Variants in NFAM1 observed in about 807,000 individuals in gnomAD.
NFAM1 encodes NFAT activating protein with ITAM motif 1.
A neutral mutation model predicts 29.0 loss-of-function variants in NFAM1; 17 were observed. The ratio of observed to expected loss-of-function variants is 0.59; its 90% CI spans 0.40 to 0.88. The LOEUF is 0.88. NFAM1 is among the 40% of genes least tolerant of loss of function. NFAM1 has a pLI of 0.00. For missense variants in NFAM1, 324 were observed against 344.6 expected, an observed-to-expected ratio of 0.94 and a Z score of 0.47; for synonymous variants, 175 against 147.2, an observed-to-expected ratio of 1.19 and a Z score of -1.36.
At position 42,385,518 on chromosome 22, in the gene NFAM1, G is replaced by A. The variant is rs546104114; in HGVS notation, c.754-298C>T. Among the ~76,000 whole-genome samples the A allele has an allele frequency of 1.3e-3, 193 of 152,076 alleles. 2 individuals are homozygous for A. Among genetic ancestry groups the A allele is most frequent in the African/African-American group, 4.4e-3 (184 of 41,466 alleles). On this transcript the variant is annotated intron_variant, in intron 5 of 5. Transcript: ENST00000329021. ...TGTGTGGGATGCGCCTCCTCCCACA[G>A]ACACACCTGTTCCATGACTGCCCCC... is the stretch of plus-strand genomic sequence containing the variant.
At chr22:42,436,864 C>T (rs1930952716), upstream of NFAM1, 3 of 346,124 alleles carry the variant, frequency 8.7e-6, no homozygotes, top group African/African-American at 2.2e-5. Context: ...TTAACCACTG[C>T]GCTCTCCTGC....
At chr22:42,411,862 C>G (rs1352601850) in intron 1 of NFAM1, 126 bp from the exon 2 acceptor site, 2 of 657,422 alleles carry the variant, frequency 3.0e-6, no homozygotes, top group Non-Finnish European at 5.4e-6. Context: ...CTTTGGGAGG[C>G]CGAGGCAGGC....
chr22:42,432,623 C>T (rs1027884161), upstream of NFAM1, among the ~76,000 whole-genome samples: 1 of 152,190 alleles, frequency 6.6e-6, no homozygotes, highest in Non-Finnish European at 1.5e-5. Flanking sequence ...CACCCTGTCT[C>T]GGCCCCTTTC....
At chr22:42,399,376 G>T (rs1379377768) in intron 3 of NFAM1, among the ~76,000 whole-genome samples, 1 of 151,288 alleles carries the variant, frequency 6.6e-6, no homozygotes, top group East Asian at 1.9e-4. Flanking sequence ...GAACCCAGGG[G>T]GCGGAGGTTG....
chr22:42,415,941 GAA>G (rs1032334083), intron 1 of NFAM1, among the ~76,000 whole-genome samples: 27 of 152,356 alleles, frequency 1.8e-4, no homozygotes, highest in Admixed American at 1.6e-3. Context: ...GGAAGGAGCA[GAA>G]AGAGCCTGAG....
upstream of NFAM1, among the ~76,000 whole-genome samples, chr22:42,435,759 A>G (rs1930923194): frequency 6.6e-6 from 1 of 151,424 alleles, no homozygotes; most frequent in South Asian, 2.1e-4. Flanking sequence ...CTCCCTGTCC[A>G]GGGAGAAAAA....
chr22:42,399,213 G>A (rs959887988), intron 3 of NFAM1, among the ~76,000 whole-genome samples: 1 of 151,950 alleles, frequency 6.6e-6, no homozygotes, highest in Admixed American at 6.6e-5. Flanking sequence ...CTCGGAGGCC[G>A]AGTCGGGTGG....
At position 42,411,538 on chromosome 22, in the gene NFAM1, TTC is replaced by T; in HGVS notation, c.318_319del (p.Asn107ProfsTer130). 1 of 1,614,214 alleles carries T rather than the reference TTC, an allele frequency of 6.2e-7. No individual in the cohort carries two copies. Among genetic ancestry groups the T allele is most frequent in the Non-Finnish European group, 8.5e-7 (1 of 1,180,016 alleles). ...CTGGCAGTCCAGGGTGTGGCTCTGG[TTC>T]TCTGTGCCCAGTCCAGGGTGGCAGT... On this transcript the variant is annotated frameshift_variant, in exon 2 of 6. Coordinates refer to ENST00000329021, the MANE Select transcript of NFAM1 (RefSeq NM_145912.8). LOFTEE classifies it high-confidence loss of function.
At chr22:42,402,191 G>C (rs1463462258) in intron 3 of NFAM1, among the ~76,000 whole-genome samples, 8 of 152,264 alleles carry the variant, frequency 5.3e-5, no homozygotes, top group African/African-American at 1.9e-4. Context: ...CAGACTGAGT[G>C]CAGGGCTTGC....
intron 1 of NFAM1, among the ~76,000 whole-genome samples, chr22:42,414,929 A>C (rs1601753615): frequency 1.3e-5 from 2 of 152,232 alleles, no homozygotes; most frequent in Admixed American, 1.3e-4. Context: ...GCCGATCTTT[A>C]CAATTCCAGG....
chr22:42,434,814 C>T (rs922289339), upstream of NFAM1, among the ~76,000 whole-genome samples: 3 of 152,216 alleles, frequency 2.0e-5, no homozygotes, highest in Non-Finnish European at 4.4e-5. Context: ...TAGGCCTTGG[C>T]AGCTGAATTT....
intron 4 of NFAM1, among the ~76,000 whole-genome samples, chr22:42,393,105 CT>C (rs907797945): frequency 4.0e-5 from 6 of 151,088 alleles, no homozygotes; most frequent in Admixed American, 3.3e-4. Flanking sequence ...AGTAGTAAAG[CT>C]TTTTTTTTCA....
Position 42,385,109 on chromosome 22 carries a change from G to A in NFAM1, c.*52C>T. On this transcript the variant is annotated 3_prime_UTR_variant, in exon 6 of 6. Transcript: ENST00000329021. ...CAGATCAAGTCCTTTGGTGGCAGGG[G>A]CTGCCCCGGTCCTCTGACCCAGGGC... is the stretch of plus-strand genomic sequence containing the variant. 7.2e-7 allele frequency: 1 copy of A among 1,387,506 alleles called. No homozygotes were observed. Among genetic ancestry groups the A allele is most frequent in the Non-Finnish European group, 1.0e-6 (1 of 974,308 alleles). 85.9% of individuals were successfully genotyped at this position (1,387,506 alleles called of 1,614,324 possible). A position where few individuals can be genotyped will look rare whatever the true frequency, so the allele number is the denominator to read the frequency against.
chr22:42,388,124 A>G lies in NFAM1; in HGVS notation c.664-1046T>C, dbSNP rs1929213256. Among the ~76,000 whole-genome samples the G allele has an allele frequency of 6.6e-6, 1 of 152,224 alleles. No individual in the cohort carries two copies. The highest frequency in any genetic ancestry group is 6.5e-5 in the Admixed American group (1 of 15,292). ...AGGCCCACTCACTCTTGGCCCAGCT[A>G]AGAAAGGCCTAGCCAGAGACCTCAG... is the stretch of plus-strand genomic sequence containing the variant. On this transcript the variant is annotated intron_variant, in intron 4 of 5. Coordinates refer to ENST00000329021, the MANE Select transcript of NFAM1 (RefSeq NM_145912.8). The surrounding 1 kb of genome is among the most constrained non-coding windows in gnomAD (Gnocchi z 4.1).
intron 1 of NFAM1, among the ~76,000 whole-genome samples, chr22:42,417,934 C>G (rs939828589): frequency 1.3e-5 from 2 of 152,192 alleles, no homozygotes; most frequent in African/African-American, 4.8e-5. Context: ...CCTCCCCACC[C>G]CCACAGAACT....
At chr22:42,412,102 T>A (rs2147109307) in intron 1 of NFAM1, among the ~76,000 whole-genome samples, 1 of 152,182 alleles carries the variant, frequency 6.6e-6, no homozygotes. Flanking sequence ...TGTGGTAGTG[T>A]ATGCCTGTAA....
chr22:42,420,001 T>G (rs71328658), intron 1 of NFAM1, among the ~76,000 whole-genome samples: 6,040 of 114,070 alleles, frequency 0.053, 937 homozygotes, highest in Non-Finnish European at 0.065. Flanking sequence ...TTTTTTTTTT[T>G]TTTTTTTTTT....
chr22:42,415,559 A>G lies in NFAM1; in HGVS notation c.122-3823T>C, dbSNP rs1048044964. On this transcript the variant is annotated intron_variant, in intron 1 of 5. Transcript: ENST00000329021. ...CGTGATCTGCCCACCTCGGCCTCCCAAAGTGCTGGGATTACAGGCGTGAGC... is the reference window on the plus strand; with the variant it reads ...CGTGATCTGCCCACCTCGGCCTCCCGAAGTGCTGGGATTACAGGCGTGAGC... 2.0e-4 allele frequency among the ~76,000 whole-genome samples: 31 copies of G among 152,002 alleles called. No homozygotes were observed. In the Middle Eastern group the frequency reaches 0.017, roughly 83 times the overall value.
At position 42,381,688 on chromosome 22, in the gene NFAM1, A is replaced by G. The variant is rs11090092; in HGVS notation, c.*3473T>C. 0.54 allele frequency: 83,272 copies of G among 152,930 alleles called. 25,075 individuals are homozygous for G. The highest frequency in any genetic ancestry group is 0.82 in the African/African-American group (34,027 of 41,500). 9.5% of individuals were successfully genotyped at this position (152,930 alleles called of 1,614,324 possible). A position where few individuals can be genotyped will look rare whatever the true frequency, so the allele number is the denominator to read the frequency against. ...GAAGGTCCACAGCTCCCCTTCACCT[A>G]GGCCTCACCTACTCCACTCAAGCCA... On this transcript the variant is annotated 3_prime_UTR_variant, in exon 6 of 6. Coordinates refer to ENST00000329021, the MANE Select transcript of NFAM1 (RefSeq NM_145912.8).
Sources: gnomAD v4.1 joint callset for allele counts (sites outside exome capture counted in the v4.1 genomes callset) on GRCh38, gnomAD v4.1.1 for gene constraint, Gnocchi (gnomAD v3.1) non-coding constraint, MANE v1.5 for transcripts, NCBI Gene and HGNC (gene_info 2026-07-23, HGNC 2026-07-21) for gene names.